Variants in GRIP1 observed in about 807,000 individuals in gnomAD.
The protein encoded by GRIP1 is glutamate receptor interacting protein 1.
In GRIP1, 45 loss-of-function variants were observed where a neutral mutation model predicts 129.9. The observed-to-expected ratio is 0.35, with a 90% CI of 0.27 to 0.44. GRIP1 has a LOEUF of 0.44. Among genes scored for constraint, GRIP1 ranks in the 20% least tolerant of loss-of-function variants. The pLI is 1.00. For missense variants in GRIP1, 1,196 were observed against 1,396.8 expected (o/e 0.86, Z 2.29); for synonymous variants, 530 against 520.8 (o/e 1.02, Z -0.24).
chr12:66,834,649 G>C (rs777229976), intron 1 of GRIP1, among the ~76,000 whole-genome samples: 2 of 152,162 alleles, frequency 1.3e-5, no homozygotes, highest in African/African-American at 2.4e-5. Flanking sequence ...GTTTGCCAAT[G>C]ACTTACATAA....
intron 19 of GRIP1, among the ~76,000 whole-genome samples, chr12:66,380,962 T>C (rs2056080181): frequency 6.6e-6 from 1 of 152,142 alleles, no homozygotes; most frequent in Non-Finnish European, 1.5e-5. Context: ...AATGGCCTGA[T>C]TGCGTAAGAT....
At chr12:66,678,716 C>T (rs2034452169) in intron 1 of GRIP1, 134 bp downstream of exon 1, 5 of 792,964 alleles carry the variant, frequency 6.3e-6, no homozygotes, top group African/African-American at 1.7e-5. Flanking sequence ...TGTATCTATA[C>T]ATATTTCACT....
intron 1 of GRIP1, among the ~76,000 whole-genome samples, chr12:67,028,525 A>G (rs902898846): frequency 9.2e-5 from 14 of 152,326 alleles, no homozygotes; most frequent in Non-Finnish European, 1.3e-4. Context: ...CCGTGCCCAT[A>G]TTATTTAGTA....
At chr12:66,598,765 C>T (rs1459227961) in intron 1 of GRIP1, among the ~76,000 whole-genome samples, 1 of 152,108 alleles carries the variant, frequency 6.6e-6, no homozygotes, top group African/African-American at 2.4e-5. Flanking sequence ...GAGCACTGAG[C>T]CAGAAAATAA....
At chr12:66,608,553 G>C (rs1344930342) in intron 1 of GRIP1, among the ~76,000 whole-genome samples, 2 of 152,048 alleles carry the variant, frequency 1.3e-5, no homozygotes, top group African/African-American at 2.4e-5. Context: ...GGCTGTTCTC[G>C]AACTCCTGAC....
intron 1 of GRIP1, among the ~76,000 whole-genome samples, chr12:66,747,538 T>C (rs373002166): frequency 2.6e-5 from 4 of 152,106 alleles, no homozygotes; most frequent in African/African-American, 7.2e-5. Flanking sequence ...AAAAATAAAA[T>C]GGATTAAAAA....
At chr12:66,742,648 G>A (rs77256529) in intron 1 of GRIP1, among the ~76,000 whole-genome samples, 2 of 151,724 alleles carry the variant, frequency 1.3e-5, no homozygotes, top group South Asian at 4.2e-4. Flanking sequence ...AAAAAAAAAA[G>A]TGCATTGCAA....
intron 2 of GRIP1, among the ~76,000 whole-genome samples, chr12:66,566,189 T>G (rs995692783): frequency 3.9e-5 from 6 of 152,206 alleles, no homozygotes; most frequent in Non-Finnish European, 8.8e-5. Context: ...AGGGCATCCC[T>G]GTCTTGTGCC....
At chr12:66,652,629 C>T (rs751231431) in intron 1 of GRIP1, among the ~76,000 whole-genome samples, 1 of 152,196 alleles carries the variant, frequency 6.6e-6, no homozygotes, top group Non-Finnish European at 1.5e-5. Flanking sequence ...TCATATTAGT[C>T]TGCTAATGAC....
chr12:66,637,943 G>A (rs550727895), intron 1 of GRIP1, among the ~76,000 whole-genome samples: 1 of 152,274 alleles, frequency 6.6e-6, no homozygotes, highest in Non-Finnish European at 1.5e-5. Context: ...CAATTTTACT[G>A]GAAGTGCTAC....
At chr12:66,555,407 C>A (rs1356830536) in intron 2 of GRIP1, among the ~76,000 whole-genome samples, 4 of 152,162 alleles carry the variant, frequency 2.6e-5, no homozygotes, top group Admixed American at 2.6e-4. Flanking sequence ...CCAACACCCA[C>A]GTCCCTTCAA....
chr12:66,845,606 T>C (rs188019329), intron 1 of GRIP1, among the ~76,000 whole-genome samples: 140 of 152,290 alleles, frequency 9.2e-4, no homozygotes, highest in Middle Eastern at 6.8e-3. Context: ...AGGGACTGAG[T>C]TCTATGATCT....
At chr12:66,431,680 C>T (rs1305757863) in intron 14 of GRIP1, among the ~76,000 whole-genome samples, 2 of 152,178 alleles carry the variant, frequency 1.3e-5, no homozygotes, top group African/African-American at 2.4e-5. Flanking sequence ...ATTACCTCTA[C>T]GTCTCCTTTG....
At chr12:66,609,665 T>C (rs896951379) in intron 1 of GRIP1, among the ~76,000 whole-genome samples, 4 of 152,294 alleles carry the variant, frequency 2.6e-5, no homozygotes, top group Admixed American at 2.6e-4. Flanking sequence ...AAATCTTGCC[T>C]GAACAAAGAT....
At chr12:67,065,971 T>A (rs2043617706) in intron 1 of GRIP1, among the ~76,000 whole-genome samples, 1 of 152,208 alleles carries the variant, frequency 6.6e-6, no homozygotes. Context: ...CTAAATGGAT[T>A]GGGTTTAGCA....
chr12:66,970,591 A>AC lies in GRIP1; in HGVS notation c.58+98458dup, dbSNP rs1162355964. Among the ~76,000 whole-genome samples the AC allele has an allele frequency of 3.2e-5, 4 of 125,298 alleles. No individual in the cohort carries two copies. In the East Asian group the frequency reaches 1.0e-3, roughly 33 times the overall value. The allele number at this position is 125,298 out of a possible 152,430, so 82.2% of individuals were successfully genotyped here. A position where few individuals can be genotyped will look rare whatever the true frequency, so the allele number is the denominator to read the frequency against. On this transcript the variant is annotated intron_variant, in intron 1 of 1. Transcript: ENST00000643019. Reference sequence around the variant, plus strand: ...CCTGTTGTCTTTGGACTTTCCTGAGACCCCCTCTCCTTGGCCAGCCAGTGT... The same window carrying AC: ...CCTGTTGTCTTTGGACTTTCCTGAGACCCCCCTCTCCTTGGCCAGCCAGTGT...
At chr12:66,471,082 C>T (rs2059426734) in intron 7 of GRIP1, among the ~76,000 whole-genome samples, 2 of 152,186 alleles carry the variant, frequency 1.3e-5, no homozygotes, top group Non-Finnish European at 2.9e-5. Flanking sequence ...GGCTTGAGAG[C>T]CCATAGTGTA....
At chr12:66,949,130 T>C (rs550068332) in intron 1 of GRIP1, among the ~76,000 whole-genome samples, 6 of 152,328 alleles carry the variant, frequency 3.9e-5, no homozygotes, top group African/African-American at 1.4e-4. Context: ...AAGCAATTGC[T>C]TAAATTTTGT....
intron 2 of GRIP1, among the ~76,000 whole-genome samples, chr12:66,586,874 C>T (rs917194340): frequency 5.9e-5 from 9 of 152,134 alleles, no homozygotes; most frequent in Non-Finnish European, 1.0e-4. Context: ...ACTTTTGTCT[C>T]CTTAAAGTCT....
Sources: gnomAD v4.1 joint callset for allele counts (sites outside exome capture counted in the v4.1 genomes callset) on GRCh38, gnomAD v4.1.1 for gene constraint, MANE v1.5 for transcripts, NCBI Gene and HGNC (gene_info 2026-07-23, HGNC 2026-07-21) for gene names.